AAGAB: variants seen among roughly 807,000 people sequenced by gnomAD.
AAGAB encodes the protein alpha- and gamma-adaptin-binding protein p34.
A neutral mutation model predicts 44.1 loss-of-function variants in AAGAB; 38 were observed. The observed-to-expected ratio is 0.86, with a 90% CI of 0.67 to 1.13. The LOEUF is 1.13. Ranked by LOEUF, AAGAB falls within the 50% of genes most tolerant of loss-of-function variation. The pLI, the probability that AAGAB is intolerant of heterozygous loss-of-function variation, is 0.00. For synonymous variants in AAGAB, 131 were observed against 131.8 expected, an observed-to-expected ratio of 0.99 and a Z score of 0.04; for missense variants, 450 against 373.8, an observed-to-expected ratio of 1.20 and a Z score of -1.68.
At chr15:67,249,136 G>A (rs1185649355) in intron 1 of AAGAB, among the ~76,000 whole-genome samples, 4 of 152,092 alleles carry the variant, frequency 2.6e-5, no homozygotes, top group African/African-American at 4.8e-5. Flanking sequence ...CCGGGTTCAA[G>A]GAATCCTCCT....
Position 67,202,607 on chromosome 15 carries a change from A to G in AAGAB, c.*214T>C. 1.9e-6 allele frequency: 1 copy of G among 523,192 alleles called. No homozygotes were observed. 32.4% of individuals were successfully genotyped at this position (523,192 alleles called of 1,614,324 possible). Reference sequence around the variant, plus strand: ...TATATTTAAGAAATCCTCACTCATTACTATCACTGTATTCCTCACTCTCTT... The same window carrying G: ...TATATTTAAGAAATCCTCACTCATTGCTATCACTGTATTCCTCACTCTCTT... On this transcript the variant is annotated 3_prime_UTR_variant, in exon 10 of 10. Transcript: ENST00000261880.
intron 5 of AAGAB, among the ~76,000 whole-genome samples, chr15:67,226,303 T>C (rs535612013): frequency 1.3e-5 from 2 of 152,102 alleles, no homozygotes; most frequent in South Asian, 2.1e-4. Flanking sequence ...AATTTTTTTG[T>C]AGAGACAGAG....
chr15:67,204,831 C>A (rs1167759675), intron 7 of AAGAB, among the ~76,000 whole-genome samples: 1 of 152,198 alleles, frequency 6.6e-6, no homozygotes, highest in East Asian at 1.9e-4. Flanking sequence ...AGAATGTCTT[C>A]CCTGCCCATC....
chr15:67,245,466 C>T (rs1225573292), intron 1 of AAGAB, among the ~76,000 whole-genome samples: 1 of 152,110 alleles, frequency 6.6e-6, no homozygotes, highest in Non-Finnish European at 1.5e-5. Flanking sequence ...AGTGGTTTCA[C>T]GGAGCTGAGG....
chr15:67,204,545 C>T (rs775394517), intron 7 of AAGAB, among the ~76,000 whole-genome samples: 1 of 151,870 alleles, frequency 6.6e-6, no homozygotes, highest in African/African-American at 2.4e-5. Context: ...TTTTACTGTA[C>T]AACAAATATT....
At chr15:67,254,835 G>A (rs867166731), upstream of AAGAB, 3 of 1,551,446 alleles carry the variant, frequency 1.9e-6, no homozygotes, top group Non-Finnish European at 2.6e-6. Context: ...AGCGGCTCCG[G>A]CTGAAGGTTT....
intron 1 of AAGAB, among the ~76,000 whole-genome samples, chr15:67,250,153 C>T (rs1325015936): frequency 6.6e-6 from 1 of 152,058 alleles, no homozygotes; most frequent in Non-Finnish European, 1.5e-5. Context: ...CACAGGTGGA[C>T]CATACACTTT....
At position 67,235,974 on chromosome 15, in the gene AAGAB, C is replaced by G; in HGVS notation, c.451+5G>C. 6.3e-7 allele frequency: 1 copy of G among 1,594,652 alleles called. No homozygotes were observed. Among genetic ancestry groups the G allele is most frequent in the African/African-American group, 1.3e-5 (1 of 74,586 alleles). ...CATATTTTCTCCTAACACATAAACA[C>G]TTACCATCCTCCTCAGGCAACTCCT... On this transcript the variant is annotated splice_donor_5th_base_variant and intron_variant, in intron 4 of 9. Coordinates refer to ENST00000261880, the MANE Select transcript of AAGAB (RefSeq NM_024666.5).
At chr15:67,208,837 A>G (rs2140345516) in intron 6 of AAGAB, among the ~76,000 whole-genome samples, 179 bp from the exon 7 acceptor site, 1 of 152,352 alleles carries the variant, frequency 6.6e-6, no homozygotes, top group Non-Finnish European at 1.5e-5. Flanking sequence ...TAACTAACCC[A>G]GAAGTACTTT....
chr15:67,205,152 T>G (rs1204590466), intron 7 of AAGAB, among the ~76,000 whole-genome samples: 1 of 152,242 alleles, frequency 6.6e-6, no homozygotes, highest in Non-Finnish European at 1.5e-5. Flanking sequence ...AGCCATGATT[T>G]GAACCCAGCT....
At chr15:67,225,774 T>C (rs1964190076) in intron 5 of AAGAB, among the ~76,000 whole-genome samples, 1 of 152,194 alleles carries the variant, frequency 6.6e-6, no homozygotes, top group Non-Finnish European at 1.5e-5. Context: ...ATATACCACA[T>C]TTTGTTTTCA....
intron 5 of AAGAB, among the ~76,000 whole-genome samples, chr15:67,222,225 C>G (rs980915709): frequency 9.0e-6 from 1 of 111,392 alleles, no homozygotes; most frequent in Non-Finnish European, 1.8e-5. Flanking sequence ...CATGCATGCA[C>G]GCGCACGCGC....
chr15:67,216,226 G>C (rs558824076), intron 5 of AAGAB, among the ~76,000 whole-genome samples: 1 of 151,820 alleles, frequency 6.6e-6, no homozygotes, highest in Admixed American at 6.6e-5. Flanking sequence ...GGAGGATCAC[G>C]AGGCCAAGAG....
intron 1 of AAGAB, among the ~76,000 whole-genome samples, chr15:67,252,742 C>A (rs914649060): frequency 2.0e-5 from 3 of 152,130 alleles, no homozygotes; most frequent in Non-Finnish European, 2.9e-5. Context: ...CCTAATTAGA[C>A]CAGTTAGTAA....
chr15:67,226,943 C>T, intron 5 of AAGAB: 1 of 278,070 alleles, frequency 3.6e-6, no homozygotes, highest in South Asian at 3.3e-5. Flanking sequence ...ATATCAATGT[C>T]CAAGAAACTG....
At chr15:67,245,516 G>A (rs538317107) in intron 1 of AAGAB, among the ~76,000 whole-genome samples, 7 of 152,252 alleles carry the variant, frequency 4.6e-5, no homozygotes, top group Admixed American at 1.3e-4. Context: ...CTGGGATGAC[G>A]GAAATGTTCT....
At chr15:67,238,262 T>A (rs1254252759) in intron 1 of AAGAB, among the ~76,000 whole-genome samples, 3 of 152,170 alleles carry the variant, frequency 2.0e-5, no homozygotes, top group Non-Finnish European at 2.9e-5. Context: ...TCTGAGTGCA[T>A]CCCATCTCTT....
intron 5 of AAGAB, among the ~76,000 whole-genome samples, chr15:67,220,767 AAC>A (rs1416998437): frequency 6.6e-6 from 1 of 152,228 alleles, no homozygotes; most frequent in Non-Finnish European, 1.5e-5. Context: ...TTTTCAAAAT[AAC>A]AGACTCAAAA....
rs141608759 is a variant in AAGAB, at chr15:67,233,466, C to T, written c.452-1569G>A. ...CCTGCAGATGTTGAGGATTGTAAGG[C>T]TGCGTCTGGAAAATAATGACAGAAA... On this transcript the variant is annotated intron_variant, in intron 4 of 9. Transcript: ENST00000261880. 6.4e-4 allele frequency among the ~76,000 whole-genome samples: 97 copies of T among 152,246 alleles called. 1 individual carries two copies. The highest frequency in any genetic ancestry group is 4.3e-3 in the Admixed American group (66 of 15,288).
Sources: gnomAD v4.1 joint callset for allele counts (sites outside exome capture counted in the v4.1 genomes callset) on GRCh38, gnomAD v4.1.1 for gene constraint, MANE v1.5 for transcripts, NCBI Gene and HGNC (gene_info 2026-07-23, HGNC 2026-07-21) for gene names.